LURAP1L: variants seen among roughly 807,000 people sequenced by gnomAD.
LURAP1L encodes the protein leucine rich adaptor protein 1-like.
A neutral mutation model predicts 13.8 loss-of-function variants in LURAP1L; 12 were observed. The observed-to-expected ratio is 0.87, with a 90% CI of 0.56 to 1.41. The LOEUF (loss-of-function observed/expected upper bound fraction) is 1.41. LURAP1L is among the 40% of genes most tolerant of loss of function. The pLI is 0.00. For synonymous variants in LURAP1L, 139 were observed against 119.2 expected (o/e 1.17, Z -1.08); for missense variants, 375 against 292.9 (o/e 1.28, Z -2.04).
intron 1 of LURAP1L, among the ~76,000 whole-genome samples, chr9:12,808,885 A>C (rs1819699006): frequency 1.3e-5 from 2 of 152,102 alleles, no homozygotes; most frequent in South Asian, 4.1e-4. Flanking sequence ...CATTGCTATA[A>C]AGGAATACCT....
chr9:12,813,420 A>T (rs1340318543), intron 1 of LURAP1L, among the ~76,000 whole-genome samples: 1 of 152,174 alleles, frequency 6.6e-6, no homozygotes, highest in Non-Finnish European at 1.5e-5. Flanking sequence ...TATATGCTCT[A>T]GTACCGAGTA....
chr9:12,818,147 A>C (rs1459830139), intron 1 of LURAP1L, among the ~76,000 whole-genome samples: 5 of 150,186 alleles, frequency 3.3e-5, no homozygotes, highest in African/African-American at 1.2e-4. Context: ...AAAAAAAAAA[A>C]AGATTTTCTT....
chr9:12,821,233 A>T (rs1002587212), intron 1 of LURAP1L, among the ~76,000 whole-genome samples, 153 bp from the exon 2 acceptor site: 1 of 152,142 alleles, frequency 6.6e-6, no homozygotes, highest in Admixed American at 6.5e-5. Context: ...ACCATCAGTC[A>T]GCAATTATCA....
chr9:12,800,807 T>C (rs1452889168), intron 1 of LURAP1L, among the ~76,000 whole-genome samples: 1 of 152,160 alleles, frequency 6.6e-6, no homozygotes, highest in East Asian at 1.9e-4. Flanking sequence ...AACCATGAGC[T>C]GAACAAAACT....
At chr9:12,811,909 C>G (rs775157995) in intron 1 of LURAP1L, among the ~76,000 whole-genome samples, 3 of 152,144 alleles carry the variant, frequency 2.0e-5, no homozygotes, top group Non-Finnish European at 4.4e-5. Flanking sequence ...TCTCAAGGCT[C>G]GATCCAGGGA....
chr9:12,776,962 A>T (rs1389363869), intron 1 of LURAP1L, among the ~76,000 whole-genome samples: 1 of 152,150 alleles, frequency 6.6e-6, no homozygotes, highest in African/African-American at 2.4e-5. Flanking sequence ...AAGTCCTTTG[A>T]AAAAAACGAC....
rs1171277001 is a variant in LURAP1L, at chr9:12,775,919, C to CTTG, written c.206_208dup (p.Leu69dup). On this transcript the variant is annotated inframe_insertion, in exon 1 of 2. Coordinates refer to ENST00000319264, the MANE Select transcript of LURAP1L (RefSeq NM_203403.2). ...GCAGCTACTGCAGCTTCCCTCCCTC[C>CTTG]TTGTCGTCCTCCTCTTCGTCCTCCC... The CTTG allele has an allele frequency of 1.9e-6, 3 of 1,571,482 alleles. No homozygotes were observed. In the East Asian group the frequency reaches 7.1e-5, roughly 37 times the overall value.
At chr9:12,792,058 G>C (rs1222951576) in intron 1 of LURAP1L, among the ~76,000 whole-genome samples, 2 of 152,086 alleles carry the variant, frequency 1.3e-5, no homozygotes, top group Non-Finnish European at 2.9e-5. Context: ...AGAAGAACAT[G>C]CCTTTAATTT....
intron 1 of LURAP1L, among the ~76,000 whole-genome samples, chr9:12,789,949 A>C (rs1819417900): frequency 6.6e-6 from 1 of 152,170 alleles, no homozygotes; most frequent in Non-Finnish European, 1.5e-5. Flanking sequence ...GTGACGACAA[A>C]ATTGTATTGC....
intron 1 of LURAP1L, among the ~76,000 whole-genome samples, chr9:12,796,341 T>G (rs1213912455): frequency 2.0e-5 from 3 of 152,044 alleles, no homozygotes; most frequent in Admixed American, 6.6e-5. Flanking sequence ...TTTAAAAAAT[T>G]TTATTCAAGC....
At chr9:12,793,987 T>A (rs1819480011) in intron 1 of LURAP1L, among the ~76,000 whole-genome samples, 1 of 152,122 alleles carries the variant, frequency 6.6e-6, no homozygotes, top group South Asian at 2.1e-4. Flanking sequence ...AACTTGTTAT[T>A]GGCATTAATA....
intron 1 of LURAP1L, among the ~76,000 whole-genome samples, chr9:12,778,889 T>C (rs996035264): frequency 1.3e-5 from 2 of 152,354 alleles, no homozygotes; most frequent in Admixed American, 1.3e-4. Flanking sequence ...ATGGGAGATA[T>C]GTTCCAAGAC....
intron 1 of LURAP1L, among the ~76,000 whole-genome samples, chr9:12,794,852 T>C (rs956035927): frequency 6.6e-5 from 10 of 151,720 alleles, no homozygotes; most frequent in African/African-American, 2.4e-4. Flanking sequence ...GCATCAACTA[T>C]ATTCAATTCT....
chr9:12,787,691 G>A (rs2118480070), intron 1 of LURAP1L, among the ~76,000 whole-genome samples: 2 of 152,144 alleles, frequency 1.3e-5, no homozygotes, highest in Admixed American at 1.3e-4. Flanking sequence ...TTTGTTAATT[G>A]GCATTCCAGT....
chr9:12,804,000 T>A (rs952751207), intron 1 of LURAP1L, among the ~76,000 whole-genome samples: 2 of 152,146 alleles, frequency 1.3e-5, no homozygotes, highest in African/African-American at 4.8e-5. Context: ...AAAGAGCAAA[T>A]CTATTATTTC....
intron 1 of LURAP1L, among the ~76,000 whole-genome samples, chr9:12,788,514 G>A (rs1819394953): frequency 6.6e-6 from 1 of 152,138 alleles, no homozygotes; most frequent in Non-Finnish European, 1.5e-5. Flanking sequence ...AATGTAGTTA[G>A]TGTATACATT....
At chr9:12,800,575 C>A (rs181452546) in intron 1 of LURAP1L, among the ~76,000 whole-genome samples, 6 of 151,924 alleles carry the variant, frequency 3.9e-5, no homozygotes, top group African/African-American at 1.2e-4. Flanking sequence ...AAGAAAAAAT[C>A]TCTTACTCAT....
intron 1 of LURAP1L, among the ~76,000 whole-genome samples, chr9:12,816,014 A>G (rs1453015416): frequency 3.9e-5 from 6 of 152,186 alleles, no homozygotes; most frequent in Admixed American, 3.9e-4. Flanking sequence ...GAGCAGCAGA[A>G]TTGATTCTTC....
intron 1 of LURAP1L, among the ~76,000 whole-genome samples, chr9:12,803,178 C>CT (rs1819610346): frequency 3.9e-5 from 6 of 152,214 alleles, no homozygotes; most frequent in Admixed American, 2.6e-4. Context: ...CTTACCACCT[C>CT]TTTGTCACTT....
Sources: allele counts gnomAD v4.1 joint callset (sites outside exome capture counted in the v4.1 genomes callset), GRCh38; gene constraint gnomAD v4.1.1; transcripts MANE v1.5; gene names NCBI Gene and HGNC (gene_info 2026-07-23, HGNC 2026-07-21).